MED25: variants seen among roughly 807,000 people sequenced by gnomAD.
MED25 encodes the protein mediator of RNA polymerase II transcription subunit 25.
In MED25, 62 loss-of-function variants were observed where a neutral mutation model predicts 89.4. That is an observed-to-expected ratio of 0.69 (90% CI 0.57 to 0.86). MED25 has a LOEUF of 0.86. Ranked by LOEUF, MED25 falls within the 40% of genes least tolerant of loss-of-function variation. The pLI, the probability that MED25 is intolerant of heterozygous loss-of-function variation, is 0.00. For synonymous variants in MED25, 449 were observed against 427.9 expected, an observed-to-expected ratio of 1.05 and a Z score of -0.61; for missense variants, 905 against 1,005.2, an observed-to-expected ratio of 0.90 and a Z score of 1.35.
Position 49,830,915 on chromosome 19 carries a change from G to GCTCCTTCCTCCTGCCCCTA in MED25, c.1101+42_1101+43insCCCTACTCCTTCCTCCTGC. Reference sequence around the variant, plus strand: ...AGGTGCCTGCACGCCTCCTGCCCCTGCTCCTTCCTCCTGCTGTCCACAGCT... The same window carrying GCTCCTTCCTCCTGCCCCTA: ...AGGTGCCTGCACGCCTCCTGCCCCTGCTCCTTCCTCCTGCCCCTACTCCTTCCTCCTGCTGTCCACAGCT... On this transcript the variant is annotated intron_variant, in intron 9 of 17. Coordinates refer to ENST00000312865, the MANE Select transcript of MED25 (RefSeq NM_030973.4). This position sits in a 1 kb window ranked among gnomAD's most constrained non-coding sequence, Gnocchi z 4.6. 6.3e-7 allele frequency: 1 copy of GCTCCTTCCTCCTGCCCCTA among 1,598,858 alleles called. No individual in the cohort carries two copies. The highest frequency in any genetic ancestry group is 8.5e-7 in the Non-Finnish European group (1 of 1,175,138).
At position 49,831,876 on chromosome 19, in the gene MED25, G is replaced by A. The variant is rs958528553; in HGVS notation, c.1231-60G>A. ...TGGGGCTACCAGGGTAGGACATGAGGGCTCAAGGGGACTGAGGCTTATGGC... is the reference window on the plus strand; with the variant it reads ...TGGGGCTACCAGGGTAGGACATGAGAGCTCAAGGGGACTGAGGCTTATGGC... On this transcript the variant is annotated intron_variant, in intron 10 of 17. Transcript: ENST00000312865. The surrounding 1 kb of genome is among the most constrained non-coding windows in gnomAD (Gnocchi z 5.0). 12 of 1,481,486 alleles carry A rather than the reference G, an allele frequency of 8.1e-6. No homozygotes were observed. The African/African-American group carries it at 1.4e-4, about 17-fold the overall frequency. 91.8% of individuals were successfully genotyped at this position (1,481,486 alleles called of 1,614,324 possible). A position where few individuals can be genotyped will look rare whatever the true frequency, so the allele number is the denominator to read the frequency against.
chr19:49,834,412 C>A lies in MED25; in HGVS notation c.1483-574C>A, dbSNP rs562005786. ...GCCCTGAATGCTCCATGTGTTACCC[C>A]CCTGATGACCAGTGATGTTTCCTGG... On this transcript the variant is annotated intron_variant, in intron 13 of 17. Coordinates refer to ENST00000312865, the MANE Select transcript of MED25 (RefSeq NM_030973.4). The surrounding 1 kb of genome is among the most constrained non-coding windows in gnomAD (Gnocchi z 4.1). The A allele has an allele frequency of 1.2e-5, 2 of 169,996 alleles. No individual in the cohort carries two copies. The highest frequency in any genetic ancestry group is 3.0e-4 in the East Asian group (2 of 6,670). The allele number at this position is 169,996 out of a possible 1,614,324, so 10.5% of individuals were successfully genotyped here. A position where few individuals can be genotyped will look rare whatever the true frequency, so the allele number is the denominator to read the frequency against.
intron 3 of MED25, among the ~76,000 whole-genome samples, chr19:49,821,864 C>T (rs1257259332): frequency 6.7e-6 from 1 of 149,490 alleles, no homozygotes; most frequent in Non-Finnish European, 1.5e-5. Context: ...CACGGTGGCT[C>T]ATCCCTGTAA....
chr19:49,832,798 C>CT, intron 13 of MED25: 6 of 340,844 alleles, frequency 1.8e-5, no homozygotes, highest in East Asian at 1.6e-4. Flanking sequence ...AGCCCAAGGT[C>CT]AGGGTGTCAG....
At chr19:49,821,686 G>A (rs1340950339) in intron 3 of MED25, among the ~76,000 whole-genome samples, 1 of 151,850 alleles carries the variant, frequency 6.6e-6, no homozygotes, top group Non-Finnish European at 1.5e-5. Context: ...GCATGGTGGC[G>A]CATGCCTGTA....
chr19:49,836,108 C>G lies in MED25; in HGVS notation c.1966-118C>G, dbSNP rs2074095938. ...GACCGCCTCCTCTCCGTCCATCCCCCACCTTTGAAGAAAAACTTCCCCTCA... is the reference window on the plus strand; with the variant it reads ...GACCGCCTCCTCTCCGTCCATCCCCGACCTTTGAAGAAAAACTTCCCCTCA... On this transcript the variant is annotated intron_variant, in intron 16 of 17. Coordinates refer to ENST00000312865, the MANE Select transcript of MED25 (RefSeq NM_030973.4). The surrounding 1 kb of genome is among the most constrained non-coding windows in gnomAD (Gnocchi z 5.1). The G allele has an allele frequency of 4.0e-6, 6 of 1,515,776 alleles. No individual in the cohort carries two copies. The highest frequency in any genetic ancestry group is 4.8e-5 in the East Asian group (2 of 41,496). 93.9% of individuals were successfully genotyped at this position (1,515,776 alleles called of 1,614,324 possible).
intron 3 of MED25, among the ~76,000 whole-genome samples, chr19:49,821,257 A>G (rs2073979564): frequency 6.6e-6 from 1 of 152,176 alleles, no homozygotes; most frequent in Non-Finnish European, 1.5e-5. Context: ...TGAGGGACCC[A>G]ATAGAGAGAG....
chr19:49,837,879 G>C (rs532374035), downstream of MED25, among the ~76,000 whole-genome samples: 3 of 152,268 alleles, frequency 2.0e-5, no homozygotes, highest in Admixed American at 2.0e-4. Flanking sequence ...GACCTTCCAG[G>C]GCTGTGGATG....
chr19:49,819,320 G>T, intron 3 of MED25, 24 bp downstream of exon 3: 1 of 1,613,506 alleles, frequency 6.2e-7, no homozygotes, highest in Non-Finnish European at 8.5e-7. Flanking sequence ...CACTTGGGGT[G>T]GGTTGCTGGT....
rs79390986 is a variant in MED25, at chr19:49,836,480, G to C, written c.2146+74G>C. 6.7e-7 allele frequency: 1 copy of C among 1,493,486 alleles called. No homozygotes were observed. The highest frequency in any genetic ancestry group is 9.1e-7 in the Non-Finnish European group (1 of 1,094,894). The allele number at this position is 1,493,486 out of a possible 1,614,324, so 92.5% of individuals were successfully genotyped here. A position where few individuals can be genotyped will look rare whatever the true frequency, so the allele number is the denominator to read the frequency against. ...GCTCCTGGGCTAGAGCACCAAGACC[G>C]AGTGCTCCTGGGAAGTAAAGACATA... On this transcript the variant is annotated intron_variant, in intron 17 of 17. Transcript: ENST00000312865. This position sits in a 1 kb window ranked among gnomAD's most constrained non-coding sequence, Gnocchi z 5.1.
In MED25 at chr19:49,832,134, C is replaced by T. The variant is rs2074062307; in HGVS notation, c.1351C>T (p.Gln451Ter). 2 of 1,612,842 alleles carry T rather than the reference C, an allele frequency of 1.2e-6. No individual in the cohort carries two copies. Among genetic ancestry groups the T allele is most frequent in the South Asian group, 1.1e-5 (1 of 91,042 alleles). ...TEQWPQKLIM[Q>*]LIPQQLLTTL... ...GCAGTGGCCCCAGAAGCTGATCATG[C>T]AGCTCATCCCCCAGCAGCTGCTGGT... Residue 451 changes from glutamine (Q) to a stop codon, truncating the protein, a stop_gained, in exon 12 of 18, where the codon CAG becomes TAG. Transcript: ENST00000312865. LOFTEE classifies it high-confidence loss of function.
Position 49,819,168 on chromosome 19 carries a change from C to T in MED25, c.181-4C>T, listed in dbSNP as rs2123862076. 3 of 1,614,154 alleles carry T rather than the reference C, an allele frequency of 1.9e-6. No individual in the cohort carries two copies. Among genetic ancestry groups the T allele is most frequent in the Non-Finnish European group, 2.5e-6 (3 of 1,180,016 alleles). On this transcript the variant is annotated splice_region_variant and splice_polypyrimidine_tract_variant and intron_variant, in intron 2 of 17. Coordinates refer to ENST00000312865, the MANE Select transcript of MED25 (RefSeq NM_030973.4). ...ATTAAAAGTTTTCTGTCCTCCCCTC[C>T]CAGTATGGGGGGACCCAGTACAGCC...
At chr19:49,828,606 T>C in intron 4 of MED25, 59 bp downstream of exon 4, 1 of 1,376,260 alleles carries the variant, frequency 7.3e-7, no homozygotes, top group Non-Finnish European at 1.0e-6. Context: ...TGGAACCACT[T>C]TGCCTGTCGA....
intron 3 of MED25, among the ~76,000 whole-genome samples, chr19:49,821,623 C>T (rs1417868451): frequency 6.6e-6 from 1 of 151,118 alleles, no homozygotes; most frequent in Non-Finnish European, 1.5e-5. Context: ...AAGCAATCAT[C>T]CTGCCTTGAC....
rs758871852 is a variant in MED25, at chr19:49,828,962, C to G, written c.405-8C>G. On this transcript the variant is annotated splice_polypyrimidine_tract_variant and splice_region_variant and intron_variant, in intron 4 of 17. Transcript: ENST00000312865. ...TGCTGGCTCCATGTCTTCTCTCTTT[C>G]CTGGTAGTGGCCAGACGCACCGGGT... The G allele has an allele frequency of 6.2e-7, 1 of 1,614,028 alleles. No homozygotes were observed.
Position 49,835,416 on chromosome 19 carries a change from C to A in MED25, c.1675-118C>A. 1 of 1,112,396 alleles carries A rather than the reference C, an allele frequency of 9.0e-7. No homozygotes were observed. The highest frequency in any genetic ancestry group is 1.3e-6 in the Non-Finnish European group (1 of 777,730). 68.9% of individuals were successfully genotyped at this position (1,112,396 alleles called of 1,614,324 possible). On this transcript the variant is annotated intron_variant, in intron 14 of 17. Coordinates refer to ENST00000312865, the MANE Select transcript of MED25 (RefSeq NM_030973.4). The surrounding 1 kb of genome is among the most constrained non-coding windows in gnomAD (Gnocchi z 6.2). Reference sequence around the variant, plus strand: ...TACGGCATCCCTCCCAGACCACTCACCCCCAAAGAGAATGTCCCCATCTCC... The same window carrying A: ...TACGGCATCCCTCCCAGACCACTCAACCCCAAAGAGAATGTCCCCATCTCC...
In MED25 at chr19:49,834,925, A is replaced by T; in HGVS notation, c.1483-61A>T. 6.4e-7 allele frequency: 1 copy of T among 1,565,422 alleles called. No individual in the cohort carries two copies. The highest frequency in any genetic ancestry group is 1.1e-5 in the South Asian group (1 of 90,066). Reference sequence around the variant, plus strand: ...GCCTCTAGAGCCTTCTGGAATGGGGAGGGGGTCAGGGCTGCCTCTTTCAGG... The same window carrying T: ...GCCTCTAGAGCCTTCTGGAATGGGGTGGGGGTCAGGGCTGCCTCTTTCAGG... On this transcript the variant is annotated intron_variant, in intron 13 of 17. Transcript: ENST00000312865. The surrounding 1 kb of genome is among the most constrained non-coding windows in gnomAD (Gnocchi z 4.1).
intron 1 of MED25, 38 bp downstream of exon 1, chr19:49,818,513 A>G (rs201560644): frequency 1.7e-5 from 28 of 1,613,912 alleles, no homozygotes; most frequent in Non-Finnish European, 1.9e-5. Flanking sequence ...CCGCCCTCCC[A>G]CTTCAGTTTC....
chr19:49,826,027 A>G (rs2074012966), intron 3 of MED25, among the ~76,000 whole-genome samples: 1 of 151,998 alleles, frequency 6.6e-6, no homozygotes. Context: ...CTTTGCACAC[A>G]GTTGAAGTTT....
Sources: gnomAD v4.1 joint callset for allele counts (sites outside exome capture counted in the v4.1 genomes callset) on GRCh38, gnomAD v4.1.1 for gene constraint, Gnocchi (gnomAD v3.1) non-coding constraint, MANE v1.5 for transcripts, NCBI Gene and HGNC (gene_info 2026-07-23, HGNC 2026-07-21) for gene names.